The following GOLGB1 variants were observed in gnomAD, a reference collection of about 807,000 sequenced individuals.
GOLGB1 encodes golgin subfamily B member 1.
GOLGB1 carries 174 observed loss-of-function variants against 336.9 expected under a neutral mutation model. The ratio of observed to expected loss-of-function variants is 0.52; its 90% confidence interval spans 0.46 to 0.59. The LOEUF is 0.59. GOLGB1 is among the 20% of genes least tolerant of loss of function. GOLGB1 has a pLI of 0.00. For missense variants in GOLGB1, 3,331 were observed against 3,645.3 expected, an observed-to-expected ratio of 0.91 and a Z score of 2.22; for synonymous variants, 1,208 against 1,289.2, an observed-to-expected ratio of 0.94 and a Z score of 1.35.
intron 14 of GOLGB1, among the ~76,000 whole-genome samples, chr3:121,688,251 T>C (rs974572015): frequency 6.6e-6 from 1 of 152,230 alleles, no homozygotes; most frequent in African/African-American, 2.4e-5. Context: ...AGCTGGACTG[T>C]ACTGCTGCCA....
At position 121,698,538 on chromosome 3, in the gene GOLGB1, G is replaced by A; in HGVS notation, c.1985C>T (p.Ala662Val). The change falls in exon 13 of 22, where the codon GCT becomes GTT. Residue 662 changes from alanine to valine, a missense_variant. Transcript: ENST00000614479. ...RTSEEISLND[A>V]GVELKSTKQD... is the part of the protein sequence containing the mutation. ...CTTTGTTGATTTCAATTCTACTCCAGCATCATTTAAAGATATTTCCTCAGA... is the reference window on the plus strand; with the variant it reads ...CTTTGTTGATTTCAATTCTACTCCAACATCATTTAAAGATATTTCCTCAGA... 10 of 1,613,702 alleles carry A rather than the reference G, an allele frequency of 6.2e-6. No individual in the cohort carries two copies. The highest frequency in any genetic ancestry group is 6.8e-6 in the Non-Finnish European group (8 of 1,179,742).
At position 121,695,114 on chromosome 3, in the gene GOLGB1, T is replaced by G; in HGVS notation, c.5409A>C (p.Glu1803Asp). 6.2e-7 allele frequency: 1 copy of G among 1,614,036 alleles called. No individual in the cohort carries two copies. The highest frequency in any genetic ancestry group is 8.5e-7 in the Non-Finnish European group (1 of 1,179,966). The change falls in exon 13 of 22, where the codon GAA (glutamate) becomes GAC (aspartate). Residue 1803 changes from glutamate to aspartate, a missense_variant. Transcript: ENST00000614479. ...TGCTCATACTCAGAGAGTCTTGCTC[T>G]TCAGTCTCACCTGGTATAGACTGTG... Reference protein sequence around the residue: ...EGTQSIPGETEEQDSLSMSTR... With the variant: ...EGTQSIPGETDEQDSLSMSTR...
chr3:121,739,818 T>C (rs1018008041), intron 1 of GOLGB1, among the ~76,000 whole-genome samples: 4 of 152,172 alleles, frequency 2.6e-5, no homozygotes, highest in African/African-American at 4.8e-5. Context: ...CAAACTGATA[T>C]ATACAGGCAA....
intron 8 of GOLGB1, 72 bp from the exon 9 acceptor site, chr3:121,717,211 T>G: frequency 1.6e-6 from 2 of 1,227,658 alleles, no homozygotes; most frequent in Non-Finnish European, 2.3e-6. Flanking sequence ...TAAAGTGCTT[T>G]TTCTTATAGG....
At position 121,681,751 on chromosome 3, in the gene GOLGB1, GA is replaced by G; in HGVS notation, c.8808del (p.Gln2937ArgfsTer35). ...LQEYQDKTKA[F>X]QIMQEELRQE... ...TGCCTGAGCTCTTCTTGCATAATCT[GA>G]AATGCTTTTGTCTTATCTTGATACT... On this transcript the variant is annotated frameshift_variant, in exon 15 of 22. Coordinates refer to ENST00000614479, the MANE Select transcript of GOLGB1 (RefSeq NM_001366282.2). LOFTEE classifies it high-confidence loss of function. 1 of 1,612,528 alleles carries G rather than the reference GA, an allele frequency of 6.2e-7. No individual in the cohort carries two copies. Among genetic ancestry groups the G allele is most frequent in the Non-Finnish European group, 8.5e-7 (1 of 1,178,658 alleles).
At chr3:121,721,407 A>C (rs1029066682) in intron 6 of GOLGB1, among the ~76,000 whole-genome samples, 3 of 152,118 alleles carry the variant, frequency 2.0e-5, no homozygotes, top group African/African-American at 4.8e-5. Context: ...TGTGAGGATC[A>C]CTTGAACTCA....
intron 17 of GOLGB1, among the ~76,000 whole-genome samples, chr3:121,670,843 G>C (rs1939436530): frequency 6.6e-6 from 1 of 151,944 alleles, no homozygotes; most frequent in Admixed American, 6.6e-5. Context: ...CAGTTAACTG[G>C]GTACAATGAC....
In GOLGB1 at chr3:121,691,436, T is replaced by C; in HGVS notation, c.7928A>G (p.Glu2643Gly). 1 of 1,613,770 alleles carries C rather than the reference T, an allele frequency of 6.2e-7. No individual in the cohort carries two copies. The highest frequency in any genetic ancestry group is 8.5e-7 in the Non-Finnish European group (1 of 1,179,982). Residue 2643 changes from glutamate to glycine, a missense_variant, in exon 14 of 22, where the codon GAA (glutamate) becomes GGA (glycine). Glu to Gly is a moderately conservative substitution (Grantham distance 98). Coordinates refer to ENST00000614479, the MANE Select transcript of GOLGB1 (RefSeq NM_001366282.2). Reference sequence around the variant, plus strand: ...AGCACTTAACCTGTGTACCTCTTCTTCTTTTACTTTTAACTGGGCATGATA... The same window carrying C: ...AGCACTTAACCTGTGTACCTCTTCTCCTTTTACTTTTAACTGGGCATGATA... Reference protein sequence around the residue: ...GLYHAQLKVKEEEVHRLSALF... With the variant: ...GLYHAQLKVKGEEVHRLSALF...
chr3:121,709,598 A>C (rs546113582), intron 10 of GOLGB1, among the ~76,000 whole-genome samples: 2 of 152,326 alleles, frequency 1.3e-5, no homozygotes, highest in South Asian at 4.1e-4. Flanking sequence ...TGGTCAATGA[A>C]AAAATCACAG....
intron 16 of GOLGB1, 54 bp from the exon 17 acceptor site, chr3:121,677,084 T>G: frequency 6.2e-7 from 1 of 1,604,900 alleles, no homozygotes; most frequent in Non-Finnish European, 8.5e-7. Flanking sequence ...GCATGCTTAA[T>G]TCCTTCCCTC....
chr3:121,727,315 T>TAC, intron 4 of GOLGB1, among the ~76,000 whole-genome samples: 1 of 41,730 alleles, frequency 2.4e-5, no homozygotes, highest in Non-Finnish European at 5.7e-5. Context: ...TATATATATA[T>TAC]ATATATTTTT....
At position 121,695,291 on chromosome 3, in the gene GOLGB1, A is replaced by C; in HGVS notation, c.5232T>G (p.Ser1744=). The change falls in exon 13 of 22, where the codon TCT becomes TCG. Residue 1744 remains serine (S), a synonymous_variant. Transcript: ENST00000614479. ...ERVKMEYETL[S]KKFQSLMSEK... is the part of the protein sequence containing the mutation. ...CAGACATTAAAGACTGAAACTTCTT[A>C]GAAAGGGTTTCATACTCCATTTTGA... 6.2e-7 allele frequency: 1 copy of C among 1,613,766 alleles called. No homozygotes were observed. Among genetic ancestry groups the C allele is most frequent in the Non-Finnish European group, 8.5e-7 (1 of 1,179,814 alleles).
chr3:121,676,917 T>C lies in GOLGB1; in HGVS notation c.9153A>G (p.Leu3051=), dbSNP rs1287324804. 3 of 1,613,758 alleles carry C rather than the reference T, an allele frequency of 1.9e-6. 1 individual carries two copies. In the South Asian group the frequency reaches 3.3e-5, roughly 18 times the overall value. Residue 3051 remains leucine (L), a synonymous_variant, in exon 17 of 22, where the codon TTA becomes TTG. Coordinates refer to ENST00000614479, the MANE Select transcript of GOLGB1 (RefSeq NM_001366282.2). ...DSLKEIHQKE[L]RIQQLNSNFS... The stretch of plus-strand genomic sequence containing the variant: ...CGTTGCTGTTCAGTTGCTGAATTCT[T>C]AACTCCTTTTGGTGAATTTCCTTTA...
intron 10 of GOLGB1, among the ~76,000 whole-genome samples, chr3:121,710,462 C>T (rs981783582): frequency 1.3e-5 from 2 of 152,084 alleles, no homozygotes; most frequent in African/African-American, 4.8e-5. Flanking sequence ...AAATTCAGTA[C>T]TATAGAAAAA....
chr3:121,737,283 G>A, intron 1 of GOLGB1, among the ~76,000 whole-genome samples: 1 of 152,152 alleles, frequency 6.6e-6, no homozygotes, highest in Non-Finnish European at 1.5e-5. Flanking sequence ...AAATAGAACT[G>A]GACTATGCAT....
At chr3:121,708,564 T>G (rs1944083883) in intron 10 of GOLGB1, among the ~76,000 whole-genome samples, 1 of 152,062 alleles carries the variant, frequency 6.6e-6, no homozygotes, top group Admixed American at 6.6e-5. Flanking sequence ...GCCCAGGAAG[T>G]TAAGGCTATA....
At chr3:121,682,921 C>T (rs1410452071) in intron 14 of GOLGB1, among the ~76,000 whole-genome samples, 3 of 151,938 alleles carry the variant, frequency 2.0e-5, no homozygotes, top group Non-Finnish European at 4.4e-5. Flanking sequence ...ACTTACTCTG[C>T]AGAATCTTCA....
At position 121,681,404 on chromosome 3, in the gene GOLGB1, G is replaced by T. The variant is rs148492326; in HGVS notation, c.8873+283C>A. On this transcript the variant is annotated intron_variant, in intron 15 of 21. Transcript: ENST00000614479. Reference sequence around the variant, plus strand: ...GGAGTAGCTCTGTATTTTGGTTTTGGTGGTGCTTAAATATACATGTCACAA... The same window carrying T: ...GGAGTAGCTCTGTATTTTGGTTTTGTTGGTGCTTAAATATACATGTCACAA... Among the ~76,000 whole-genome samples the T allele has an allele frequency of 5.1e-3, 784 of 152,284 alleles. 8 individuals are homozygous for T. The highest frequency in any genetic ancestry group is 0.016 in the African/African-American group (677 of 41,550).
In GOLGB1 at chr3:121,695,280, T is replaced by A; in HGVS notation, c.5243A>T (p.Gln1748Leu). ...MEYETLSKKF[Q>L]SLMSEKDSLS... ...AGAGTCTTTCTCAGACATTAAAGACTGAAACTTCTTAGAAAGGGTTTCATA... is the reference window on the plus strand; with the variant it reads ...AGAGTCTTTCTCAGACATTAAAGACAGAAACTTCTTAGAAAGGGTTTCATA... Residue 1748 changes from glutamine to leucine, a missense_variant, in exon 13 of 22, where the codon CAG becomes CTG. By Grantham distance (113) the Gln-to-Leu change is moderately radical. Transcript: ENST00000614479. The A allele has an allele frequency of 1.2e-6, 2 of 1,614,016 alleles. No homozygotes were observed. Among genetic ancestry groups the A allele is most frequent in the Non-Finnish European group, 1.7e-6 (2 of 1,179,920 alleles).
Sources: allele counts gnomAD v4.1 joint callset (sites outside exome capture counted in the v4.1 genomes callset), GRCh38; gene constraint gnomAD v4.1.1; transcripts MANE v1.5; gene names NCBI Gene and HGNC (gene_info 2026-07-23, HGNC 2026-07-21).